RASSF3: variants seen among roughly 807,000 people sequenced by gnomAD.
RASSF3 encodes the protein ras association domain-containing protein 3.
Under a neutral mutation model 19.9 loss-of-function variants are expected in RASSF3, and 19 were observed. That is an observed-to-expected ratio of 0.96 (90% CI 0.67 to 1.40). The LOEUF is 1.40. Among genes scored for constraint, RASSF3 ranks in the 40% most tolerant of loss-of-function variants. RASSF3 has a pLI of 0.00. For missense variants in RASSF3, 306 were observed against 289.8 expected (o/e 1.06, Z -0.41); for synonymous variants, 110 against 104.2 (o/e 1.06, Z -0.34).
chr12:64,633,028 T>G (rs1871216182), intron 1 of RASSF3, among the ~76,000 whole-genome samples: 1 of 152,188 alleles, frequency 6.6e-6, no homozygotes, highest in Non-Finnish European at 1.5e-5. Context: ...TCTAAGCAGT[T>G]TCAATAGAAA....
At chr12:64,641,414 A>ACACACACACACGCGCGCGCGCGCG in intron 1 of RASSF3, among the ~76,000 whole-genome samples, 11 of 142,098 alleles carry the variant, frequency 7.7e-5, no homozygotes, top group African/African-American at 2.8e-4. Flanking sequence ...ACACACACAC[A>ACACACACACACGCGCGCGCGCGCG]CGCGCGCGCG....
At chr12:64,517,170 A>G (rs560008471) in intron 1 of RASSF3, among the ~76,000 whole-genome samples, 7 of 152,264 alleles carry the variant, frequency 4.6e-5, no homozygotes, top group African/African-American at 1.7e-4. Flanking sequence ...TACTTAAAAA[A>G]TAAACCTAAC....
chr12:64,563,148 C>T (rs1869375151), intron 2 of RASSF3, among the ~76,000 whole-genome samples: 1 of 151,310 alleles, frequency 6.6e-6, no homozygotes, highest in South Asian at 2.1e-4. Context: ...TTCTTTTTTT[C>T]TGTCTTTTAT....
In RASSF3 at chr12:64,610,756, C is replaced by T; in HGVS notation, c.111+13C>T. On this transcript the variant is annotated intron_variant, in intron 1 of 4. Transcript: ENST00000542104. ...CTCCGGCCAACAAGTGAGTGGCGCG[C>T]GGCGGGCGCTGCAGCCCGCGCCCCA... The T allele has an allele frequency of 6.4e-7, 1 of 1,556,874 alleles. No homozygotes were observed.
chr12:64,561,873 A>G (rs971801011), intron 2 of RASSF3, among the ~76,000 whole-genome samples: 1 of 151,360 alleles, frequency 6.6e-6, no homozygotes, highest in Non-Finnish European at 1.5e-5. Flanking sequence ...TTGTATTTGT[A>G]TACAAATATA....
chr12:64,687,241 G>A (rs1359384613), intron 2 of RASSF3, among the ~76,000 whole-genome samples: 3 of 151,820 alleles, frequency 2.0e-5, no homozygotes, highest in Non-Finnish European at 4.4e-5. Flanking sequence ...ACCTCCAGTG[G>A]TCTGCTCGCC....
At chr12:64,530,138 C>T (rs1223599545), upstream of RASSF3, among the ~76,000 whole-genome samples, 1 of 152,094 alleles carries the variant, frequency 6.6e-6, no homozygotes, top group Non-Finnish European at 1.5e-5. Context: ...AACCTCTGAT[C>T]TGCTTTCTGT....
chr12:64,617,240 G>A (rs934174406), intron 1 of RASSF3, among the ~76,000 whole-genome samples: 1 of 152,122 alleles, frequency 6.6e-6, no homozygotes, highest in African/African-American at 2.4e-5. Context: ...TGTGATTACT[G>A]GTTAAGCATA....
chr12:64,556,339 G>T (rs924525139), intron 2 of RASSF3, among the ~76,000 whole-genome samples: 1 of 151,962 alleles, frequency 6.6e-6, no homozygotes, highest in Non-Finnish European at 1.5e-5. Flanking sequence ...TATTTTTTTT[G>T]TAGAGATGGG....
rs59219879 is a variant in RASSF3, at chr12:64,623,704, A to G, written c.111+12961A>G. 3.2e-3 allele frequency among the ~76,000 whole-genome samples: 479 copies of G among 150,982 alleles called. 6 individuals are homozygous for G. The highest frequency in any genetic ancestry group is 0.011 in the African/African-American group (464 of 40,402). The stretch of plus-strand genomic sequence containing the variant: ...GTCACCCAGGCTGGAGTGCAGTGGC[A>G]CGATCTCGGCTCACTGCAGCTTCTG... On this transcript the variant is annotated intron_variant, in intron 1 of 4. Transcript: ENST00000542104.
intron 1 of RASSF3, among the ~76,000 whole-genome samples, chr12:64,625,660 T>C (rs1870960617): frequency 6.6e-6 from 1 of 152,160 alleles, no homozygotes; most frequent in South Asian, 2.1e-4. Context: ...AATAAGGTAA[T>C]ACGTGCAAAC....
rs144225808 is a variant in RASSF3 at position 64,600,575 on chromosome 12, T to C, written c.294+58870T>C. Among the ~76,000 whole-genome samples, 4 of 152,344 alleles carry C rather than the reference T, an allele frequency of 2.6e-5. No homozygotes were observed. In the East Asian group the frequency reaches 7.7e-4, roughly 29 times the overall value. On this transcript the variant is annotated intron_variant, in intron 2 of 5. Transcript: ENST00000637125. ...GTTGAAGTTTGGATTTTGTTTTTTT[T>C]CTTTCTCATTTGAGGGAAGCTAGAA...
chr12:64,656,227 A>G (rs1050954650), intron 1 of RASSF3, among the ~76,000 whole-genome samples: 12 of 152,130 alleles, frequency 7.9e-5, no homozygotes, highest in Admixed American at 7.9e-4. Context: ...CTTGCTATGT[A>G]CTGTGGGACA....
At chr12:64,653,666 C>T (rs1314587736) in intron 1 of RASSF3, among the ~76,000 whole-genome samples, 4 of 151,960 alleles carry the variant, frequency 2.6e-5, no homozygotes, top group Admixed American at 6.6e-5. Flanking sequence ...CTCCTGGGCC[C>T]AAGTGATCCT....
At chr12:64,551,613 C>G (rs1288733828) in intron 2 of RASSF3, among the ~76,000 whole-genome samples, 1 of 152,146 alleles carries the variant, frequency 6.6e-6, no homozygotes, top group Non-Finnish European at 1.5e-5. Flanking sequence ...ATCATGTCTA[C>G]TACTTAGCAT....
chr12:64,557,319 G>A (rs1473501357), intron 2 of RASSF3, among the ~76,000 whole-genome samples: 2 of 152,038 alleles, frequency 1.3e-5, no homozygotes, highest in South Asian at 2.1e-4. Flanking sequence ...AGGAAGTACC[G>A]GGAAGTGCCC....
chr12:64,557,978 G>A (rs1277502817), intron 2 of RASSF3, among the ~76,000 whole-genome samples: 1 of 152,180 alleles, frequency 6.6e-6, no homozygotes. Flanking sequence ...CATGCTGGCT[G>A]AGGCTTTTTG....
intron 1 of RASSF3, among the ~76,000 whole-genome samples, chr12:64,516,485 G>A (rs1055235502): frequency 2.6e-4 from 39 of 149,588 alleles, no homozygotes; most frequent in Admixed American, 6.6e-5. Context: ...CGGGCGTAGT[G>A]GCGGGCGCCT....
chr12:64,575,306 C>T (rs780834013), intron 2 of RASSF3, among the ~76,000 whole-genome samples: 30 of 152,170 alleles, frequency 2.0e-4, no homozygotes, highest in Non-Finnish European at 3.7e-4. Context: ...ATAATCCCAG[C>T]GCTTTGGGAG....
Sources: gnomAD v4.1 joint callset for allele counts (sites outside exome capture counted in the v4.1 genomes callset) on GRCh38, gnomAD v4.1.1 for gene constraint, MANE v1.5 for transcripts, NCBI Gene and HGNC (gene_info 2026-07-23, HGNC 2026-07-21) for gene names.